MNAT1: variants seen among roughly 807,000 people sequenced by gnomAD.
MNAT1 encodes the protein MNAT1 component of CDK activating kinase, also known as CDK-activating kinase assembly factor MAT1.
A neutral mutation model predicts 42.0 loss-of-function variants in MNAT1; 43 were observed. The ratio of observed to expected loss-of-function variants is 1.02; its 90% CI spans 0.80 to 1.32. MNAT1 has a LOEUF of 1.32. MNAT1 is among the 40% of genes most tolerant of loss of function. MNAT1 has a pLI of 0.00. For missense variants in MNAT1, 306 were observed against 350.4 expected, an observed-to-expected ratio of 0.87 and a Z score of 1.01; for synonymous variants, 118 against 120.0, an observed-to-expected ratio of 0.98 and a Z score of 0.11.
rs7160499 is a variant in MNAT1, at chr14:60,900,112, G to A, written c.809+20277G>A. Among the ~76,000 whole-genome samples the A allele has an allele frequency of 6.2e-3, 905 of 144,934 alleles. 14 individuals carry two copies. Among genetic ancestry groups the A allele is most frequent in the African/African-American group, 0.022 (879 of 39,174 alleles). ...CTTGGACTTCCCTATTCCCTGAGAT[G>A]CAGCAATATTGAAATTAGGCCAATT... On this transcript the variant is annotated intron_variant, in intron 7 of 7. Coordinates refer to ENST00000261245, the MANE Select transcript of MNAT1 (RefSeq NM_002431.4).
chr14:60,847,022 T>C (rs1293637648), intron 6 of MNAT1, among the ~76,000 whole-genome samples: 1 of 152,056 alleles, frequency 6.6e-6, no homozygotes, highest in Admixed American at 6.5e-5. Context: ...ACTCCTTTTG[T>C]ATGTTTATAA....
At chr14:60,842,795 T>C (rs898473975) in intron 6 of MNAT1, among the ~76,000 whole-genome samples, 10 of 152,232 alleles carry the variant, frequency 6.6e-5, no homozygotes, top group Non-Finnish European at 1.5e-4. Flanking sequence ...AAAATTCATT[T>C]AATATACCTA....
At chr14:60,843,503 C>T (rs377340476) in intron 6 of MNAT1, among the ~76,000 whole-genome samples, 2 of 152,126 alleles carry the variant, frequency 1.3e-5, no homozygotes, top group East Asian at 1.9e-4. Flanking sequence ...ATCTCCTGAC[C>T]TCGTGATCCG....
At chr14:60,889,612 A>G (rs1400767832) in intron 7 of MNAT1, among the ~76,000 whole-genome samples, 1 of 152,212 alleles carries the variant, frequency 6.6e-6, no homozygotes, top group African/African-American at 2.4e-5. Flanking sequence ...GGATCTAATT[A>G]AACTAAAGAG....
intron 6 of MNAT1, among the ~76,000 whole-genome samples, chr14:60,874,266 A>G (rs934740306): frequency 6.6e-6 from 1 of 152,120 alleles, no homozygotes; most frequent in Non-Finnish European, 1.5e-5. Context: ...AGTATTTTCT[A>G]GCTGTAATTT....
In MNAT1 at chr14:60,910,578, G is replaced by A. The variant is rs1486415067; in HGVS notation, c.809+30743G>A. 2.6e-5 allele frequency among the ~76,000 whole-genome samples: 4 copies of A among 152,198 alleles called. 1 individual carries two copies. The highest frequency in any genetic ancestry group is 9.7e-5 in the African/African-American group (4 of 41,432). ...CAAAAGCCTTTTCTGCATCTATTGA[G>A]ATAATCATGTTTTTTTGTCGTTGGT... On this transcript the variant is annotated intron_variant, in intron 7 of 7. Coordinates refer to ENST00000261245, the MANE Select transcript of MNAT1 (RefSeq NM_002431.4).
chr14:60,766,193 CA>C (rs1367780244), intron 1 of MNAT1, among the ~76,000 whole-genome samples: 1 of 151,636 alleles, frequency 6.6e-6, no homozygotes, highest in Non-Finnish European at 1.5e-5. Context: ...ACTAAAAATA[CA>C]AAAATTAGCC....
chr14:60,896,943 A>G (rs1443583862), intron 7 of MNAT1, among the ~76,000 whole-genome samples: 1 of 152,150 alleles, frequency 6.6e-6, no homozygotes, highest in Admixed American at 6.6e-5. Context: ...TCCAGCAGAT[A>G]AAGATAATGT....
chr14:60,827,711 G>C (rs2033094332), intron 6 of MNAT1, among the ~76,000 whole-genome samples: 1 of 152,128 alleles, frequency 6.6e-6, no homozygotes, highest in African/African-American at 2.4e-5. Context: ...CCTTTCTCAA[G>C]TCTTGTGATA....
At chr14:60,913,880 A>G (rs540867173) in intron 7 of MNAT1, among the ~76,000 whole-genome samples, 39 of 152,188 alleles carry the variant, frequency 2.6e-4, no homozygotes, top group Non-Finnish European at 3.2e-4. Context: ...TTAAGACTGC[A>G]GAGGTTATTG....
At chr14:60,779,569 TGA>T (rs1235250957) in intron 1 of MNAT1, among the ~76,000 whole-genome samples, 1 of 152,110 alleles carries the variant, frequency 6.6e-6, no homozygotes, top group Non-Finnish European at 1.5e-5. Flanking sequence ...AGGAGGATCA[TGA>T]GGTCAGGAGA....
At chr14:60,829,090 G>A (rs1207585268) in intron 6 of MNAT1, among the ~76,000 whole-genome samples, 1 of 152,012 alleles carries the variant, frequency 6.6e-6, no homozygotes, top group Non-Finnish European at 1.5e-5. Flanking sequence ...TCAACCTCCT[G>A]CCCCTCACCT....
At chr14:60,833,594 G>A (rs540022069) in intron 6 of MNAT1, among the ~76,000 whole-genome samples, 28 of 152,244 alleles carry the variant, frequency 1.8e-4, no homozygotes, top group Non-Finnish European at 2.6e-4. Context: ...ATTTTATTGA[G>A]AATTTTTGCA....
intron 6 of MNAT1, among the ~76,000 whole-genome samples, chr14:60,824,036 A>G (rs2032982617): frequency 6.6e-6 from 1 of 151,720 alleles, no homozygotes; most frequent in African/African-American, 2.4e-5. Context: ...AGGAACCTGT[A>G]ATTCCAGCTA....
At chr14:60,842,275 C>T (rs1313553481) in intron 6 of MNAT1, among the ~76,000 whole-genome samples, 1 of 152,174 alleles carries the variant, frequency 6.6e-6, no homozygotes, top group Non-Finnish European at 1.5e-5. Context: ...TTAACTCCCA[C>T]TTTAGAGTTT....
intron 6 of MNAT1, among the ~76,000 whole-genome samples, chr14:60,870,814 G>T (rs2139448933): frequency 6.6e-6 from 1 of 152,174 alleles, no homozygotes; most frequent in East Asian, 1.9e-4. Flanking sequence ...TAAATTTACA[G>T]AATTTTGTAA....
At chr14:60,796,426 A>C in intron 2 of MNAT1, 57 bp downstream of exon 2, 2 of 1,456,160 alleles carry the variant, frequency 1.4e-6, no homozygotes, top group Non-Finnish European at 1.9e-6. Context: ...CAATTATGTC[A>C]GTAATTGATT....
intron 6 of MNAT1, among the ~76,000 whole-genome samples, chr14:60,820,714 GTC>G (rs1007676251): frequency 1.3e-4 from 20 of 152,006 alleles, no homozygotes; most frequent in Non-Finnish European, 1.6e-4. Flanking sequence ...TCCACCTGGT[GTC>G]TCTATTCATC....
At chr14:60,826,961 C>T (rs1292103289) in intron 6 of MNAT1, among the ~76,000 whole-genome samples, 2 of 151,736 alleles carry the variant, frequency 1.3e-5, no homozygotes, top group African/African-American at 2.4e-5. Flanking sequence ...TGGGAACAAG[C>T]GAAGGCACAT....
Sources: allele counts gnomAD v4.1 joint callset (sites outside exome capture counted in the v4.1 genomes callset), GRCh38; gene constraint gnomAD v4.1.1; transcripts MANE v1.5; gene names NCBI Gene and HGNC (gene_info 2026-07-23, HGNC 2026-07-21).